Variants in PDIA5 observed in about 807,000 individuals in gnomAD.
PDIA5 encodes protein disulfide isomerase family A member 5.
Under a neutral mutation model 77.6 loss-of-function variants are expected in PDIA5, and 58 were observed. The observed-to-expected ratio is 0.75, with a 90% CI of 0.61 to 0.93. The LOEUF is 0.93. Among genes scored for constraint, PDIA5 ranks in the 40% least tolerant of loss-of-function variants. PDIA5 has a pLI of 0.00. For synonymous variants in PDIA5, 250 were observed against 252.1 expected (o/e 0.99, Z 0.08); for missense variants, 630 against 647.7 (o/e 0.97, Z 0.30).
rs1346665130 is a variant in PDIA5, at chr3:123,150,384, A to G, written c.1273+20A>G. 1.2e-6 allele frequency: 2 copies of G among 1,609,088 alleles called. No individual in the cohort carries two copies. The highest frequency in any genetic ancestry group is 2.7e-5 in the African/African-American group (2 of 74,700). On this transcript the variant is annotated intron_variant, in intron 14 of 16. Transcript: ENST00000316218. ...CCCCTTGTAAGTAGCTTGGGTGCTCACTGAGTGGCACAGTAAGAGGGGTTT... is the reference window on the plus strand; with the variant it reads ...CCCCTTGTAAGTAGCTTGGGTGCTCGCTGAGTGGCACAGTAAGAGGGGTTT...
intron 7 of PDIA5, among the ~76,000 whole-genome samples, chr3:123,112,344 G>A (rs1934881792): frequency 6.6e-6 from 1 of 151,992 alleles, no homozygotes. Flanking sequence ...GCAAACCAGA[G>A]TTCTGTTTGC....
intron 6 of PDIA5, among the ~76,000 whole-genome samples, chr3:123,108,931 G>A (rs1391864674): frequency 6.6e-6 from 1 of 152,002 alleles, no homozygotes; most frequent in Non-Finnish European, 1.5e-5. Context: ...AGTGCCAGGA[G>A]AGAGTGGCAC....
chr3:123,128,589 C>T (rs1353469138), intron 10 of PDIA5, among the ~76,000 whole-genome samples: 1 of 152,170 alleles, frequency 6.6e-6, no homozygotes, highest in African/African-American at 2.4e-5. Context: ...CTCACTGCAG[C>T]TTTGAACTCC....
intron 1 of PDIA5, among the ~76,000 whole-genome samples, chr3:123,082,032 G>A (rs553439287): frequency 6.6e-6 from 1 of 152,326 alleles, no homozygotes; most frequent in African/African-American, 2.4e-5. Flanking sequence ...GCTGGAAACA[G>A]ACCTGGGCTA....
intron 3 of PDIA5, among the ~76,000 whole-genome samples, chr3:123,096,958 G>C (rs1180589265): frequency 6.6e-6 from 1 of 152,208 alleles, no homozygotes; most frequent in Non-Finnish European, 1.5e-5. Context: ...CTCACAGGGG[G>C]CAAGGCTGTC....
chr3:123,108,098 A>G (rs1934778929), intron 6 of PDIA5, among the ~76,000 whole-genome samples: 3 of 152,028 alleles, frequency 2.0e-5, no homozygotes, highest in Admixed American at 6.5e-5. Flanking sequence ...TAACTTGCCT[A>G]TTGACTGTAC....
intron 5 of PDIA5, among the ~76,000 whole-genome samples, chr3:123,105,959 C>T (rs1042992528): frequency 1.7e-4 from 26 of 152,152 alleles, no homozygotes; most frequent in African/African-American, 4.8e-4. Context: ...GGTGGAAGGA[C>T]AGTGCCACTC....
At position 123,130,410 on chromosome 3, in the gene PDIA5, G is replaced by A. The variant is rs377206585; in HGVS notation, c.774-70G>A. On this transcript the variant is annotated intron_variant, in intron 10 of 16. Coordinates refer to ENST00000316218, the MANE Select transcript of PDIA5 (RefSeq NM_006810.4). Reference sequence around the variant, plus strand: ...GCCCATGGGGAGCTTTGGGTCCAGGGGCCTGGAATTAGAAGGGCTGCCAAG... The same window carrying A: ...GCCCATGGGGAGCTTTGGGTCCAGGAGCCTGGAATTAGAAGGGCTGCCAAG... The A allele has an allele frequency of 1.2e-4, 185 of 1,515,652 alleles. 1 individual carries two copies. In the South Asian group the frequency reaches 2.3e-3, roughly 19 times the overall value. The allele number at this position is 1,515,652 out of a possible 1,614,324, so 93.9% of individuals were successfully genotyped here.
intron 2 of PDIA5, among the ~76,000 whole-genome samples, chr3:123,090,698 C>A (rs1275399613): frequency 6.6e-6 from 1 of 152,176 alleles, no homozygotes; most frequent in African/African-American, 2.4e-5. Flanking sequence ...GCCGGAAAAT[C>A]ATTATGGGAA....
intron 10 of PDIA5, among the ~76,000 whole-genome samples, chr3:123,127,694 T>A (rs1256132796): frequency 6.6e-6 from 1 of 152,252 alleles, no homozygotes; most frequent in Non-Finnish European, 1.5e-5. Flanking sequence ...TTGGTTCTCC[T>A]CTTCAGGGCC....
chr3:123,161,197 C>A, intron 15 of PDIA5, 124 bp from the exon 16 acceptor site: 1 of 1,010,748 alleles, frequency 9.9e-7, no homozygotes, highest in Non-Finnish European at 1.5e-6. Context: ...TCAGTTCCTA[C>A]CTGCCACTGA....
intron 7 of PDIA5, among the ~76,000 whole-genome samples, chr3:123,115,896 C>T (rs1934983881): frequency 1.3e-5 from 2 of 152,258 alleles, no homozygotes; most frequent in Non-Finnish European, 2.9e-5. Flanking sequence ...GACACCTGTT[C>T]TGGTTTTCTG....
intron 11 of PDIA5, among the ~76,000 whole-genome samples, chr3:123,141,494 G>A (rs547579145): frequency 3.9e-5 from 6 of 152,280 alleles, no homozygotes; most frequent in Non-Finnish European, 5.9e-5. Flanking sequence ...ACTCTCGGGC[G>A]ATAGACTCAC....
At chr3:123,111,549 G>T (rs916799766) in intron 7 of PDIA5, among the ~76,000 whole-genome samples, 1 of 152,200 alleles carries the variant, frequency 6.6e-6, no homozygotes, top group Non-Finnish European at 1.5e-5. Flanking sequence ...GTGGGAAATG[G>T]CAGGAGGATC....
chr3:123,125,102 C>T (rs534226051), intron 10 of PDIA5, among the ~76,000 whole-genome samples: 1 of 152,320 alleles, frequency 6.6e-6, no homozygotes, highest in South Asian at 2.1e-4. Flanking sequence ...ACTTCCACGA[C>T]AGGCTCACGA....
At chr3:123,077,549 TACACACACAC>T (rs368009624) in intron 1 of PDIA5, among the ~76,000 whole-genome samples, 40 of 136,510 alleles carry the variant, frequency 2.9e-4, no homozygotes, top group South Asian at 1.5e-3. Context: ...CTCACACACA[TACACACACAC>T]ACACACACAC....
At chr3:123,156,674 G>T (rs1305105547) in intron 15 of PDIA5, among the ~76,000 whole-genome samples, 2 of 152,196 alleles carry the variant, frequency 1.3e-5, no homozygotes, top group Admixed American at 1.3e-4. Flanking sequence ...GGACACTCAG[G>T]TCTCCATAGG....
chr3:123,090,615 C>CT (rs1320446678), intron 2 of PDIA5, among the ~76,000 whole-genome samples: 1 of 152,180 alleles, frequency 6.6e-6, no homozygotes, highest in Non-Finnish European at 1.5e-5. Flanking sequence ...CTCTCATTTT[C>CT]TCTGATGGAG....
At chr3:123,117,160 T>C (rs1294365967) in intron 8 of PDIA5, among the ~76,000 whole-genome samples, 1 of 151,850 alleles carries the variant, frequency 6.6e-6, no homozygotes, top group Non-Finnish European at 1.5e-5. Context: ...TTTTTCAATG[T>C]GGTAAAAAAC....
Sources: gnomAD v4.1 joint callset for allele counts (sites outside exome capture counted in the v4.1 genomes callset) on GRCh38, gnomAD v4.1.1 for gene constraint, MANE v1.5 for transcripts, NCBI Gene and HGNC (gene_info 2026-07-23, HGNC 2026-07-21) for gene names.